FAM184B: variants seen among roughly 807,000 people sequenced by gnomAD.
FAM184B encodes the protein protein FAM184B.
FAM184B carries 111 observed loss-of-function variants against 135.9 expected under a neutral mutation model. The ratio of observed to expected loss-of-function variants is 0.82; its 90% CI spans 0.70 to 0.96. The LOEUF is 0.96. FAM184B is among the 40% of genes least tolerant of loss of function. The pLI is 0.00. For synonymous variants in FAM184B, 552 were observed against 524.8 expected (o/e 1.05, Z -0.71); for missense variants, 1,375 against 1,323.9 (o/e 1.04, Z -0.60).
chr4:17,686,045 G>T (rs942536134), intron 7 of FAM184B, among the ~76,000 whole-genome samples: 1 of 152,120 alleles, frequency 6.6e-6, no homozygotes, highest in Non-Finnish European at 1.5e-5. Context: ...TCATCAAGAA[G>T]GATACCAGCC....
intron 1 of FAM184B, among the ~76,000 whole-genome samples, chr4:17,710,249 A>C (rs567196501): frequency 6.6e-6 from 1 of 152,148 alleles, no homozygotes; most frequent in East Asian, 1.9e-4. Context: ...ACTTGAACCC[A>C]GGAGGCGGAG....
chr4:17,774,605 C>G (rs568930481), intron 1 of FAM184B, among the ~76,000 whole-genome samples: 26 of 152,316 alleles, frequency 1.7e-4, no homozygotes, highest in Admixed American at 5.2e-4. Flanking sequence ...TCAATTGCTG[C>G]AAGCCAGTGG....
rs114405720 is a variant in FAM184B at position 17,717,083 on chromosome 4, T to A, written c.142-7439A>T. On this transcript the variant is annotated intron_variant, in intron 1 of 17. Coordinates refer to ENST00000265018, the MANE Select transcript of FAM184B (RefSeq NM_015688.2). ...GCCTCAGCCTCCCAAAGTGCTAGGA[T>A]CATCAGTGAGAAACACTGCACCCTG... Among the ~76,000 whole-genome samples the A allele has an allele frequency of 6.1e-3, 934 of 152,280 alleles. 11 individuals carry two copies. Among genetic ancestry groups the A allele is most frequent in the African/African-American group, 0.021 (870 of 41,566 alleles).
At chr4:17,635,599 T>C (rs1469297922) in intron 15 of FAM184B, among the ~76,000 whole-genome samples, 1 of 152,052 alleles carries the variant, frequency 6.6e-6, no homozygotes, top group Non-Finnish European at 1.5e-5. Flanking sequence ...TGCTGTATTA[T>C]TACTAAATTC....
At chr4:17,639,435 C>T (rs1413972696) in intron 13 of FAM184B, 39 bp from the exon 14 acceptor site, 9 of 1,547,938 alleles carry the variant, frequency 5.8e-6, no homozygotes, top group Non-Finnish European at 7.0e-6. Flanking sequence ...TGCCCAGCTC[C>T]AGGGATGGCA....
intron 15 of FAM184B, 131 bp downstream of exon 15, chr4:17,636,397 A>C (rs7659718): frequency 0.63 from 461,452 of 733,616 alleles, 148,096 homozygotes; most frequent in East Asian, 0.91. Context: ...GCCACCGCGC[A>C]CGGCAAGAAA....
At chr4:17,657,010 T>C (rs1048329623) in intron 10 of FAM184B, among the ~76,000 whole-genome samples, 3 of 152,194 alleles carry the variant, frequency 2.0e-5, no homozygotes, top group Non-Finnish European at 4.4e-5. Context: ...TTACATAGTA[T>C]ACAATATATA....
chr4:17,673,946 C>T (rs1716254382), intron 7 of FAM184B, among the ~76,000 whole-genome samples: 1 of 151,596 alleles, frequency 6.6e-6, no homozygotes. Flanking sequence ...CAACAACAAA[C>T]AAAAATAAAT....
At chr4:17,700,971 G>GA (rs1198244721) in intron 5 of FAM184B, among the ~76,000 whole-genome samples, 1 of 152,124 alleles carries the variant, frequency 6.6e-6, no homozygotes, top group Non-Finnish European at 1.5e-5. Flanking sequence ...AAAAATTTGA[G>GA]AAAATATCAT....
chr4:17,719,251 C>T (rs574696975), intron 1 of FAM184B, among the ~76,000 whole-genome samples: 8 of 152,082 alleles, frequency 5.3e-5, no homozygotes, highest in African/African-American at 1.9e-4. Flanking sequence ...ATCTGATAAT[C>T]GAGACAGCTA....
chr4:17,746,324 C>T (rs1014440234), intron 1 of FAM184B, among the ~76,000 whole-genome samples: 2 of 152,096 alleles, frequency 1.3e-5, no homozygotes, highest in Non-Finnish European at 2.9e-5. Flanking sequence ...GGCAAGATTT[C>T]GTGAAGGACT....
At chr4:17,775,672 T>A (rs1311261731) in intron 1 of FAM184B, among the ~76,000 whole-genome samples, 1 of 152,232 alleles carries the variant, frequency 6.6e-6, no homozygotes, top group African/African-American at 2.4e-5. Context: ...CATTTAGTTG[T>A]CAAGTCTTCA....
intron 1 of FAM184B, among the ~76,000 whole-genome samples, chr4:17,769,897 GGA>G (rs1051242949): frequency 1.4e-4 from 22 of 152,128 alleles, no homozygotes; most frequent in Admixed American, 4.6e-4. Flanking sequence ...AACCAATAAA[GGA>G]AAAAAGGCAG....
intron 11 of FAM184B, among the ~76,000 whole-genome samples, chr4:17,652,132 T>TG (rs1715635678): frequency 1.1e-5 from 1 of 88,474 alleles, no homozygotes; most frequent in South Asian, 4.0e-4. Context: ...TTAATATCTT[T>TG]TTTTTTTTTT....
At chr4:17,730,057 G>C (rs574870813) in intron 1 of FAM184B, among the ~76,000 whole-genome samples, 1 of 152,294 alleles carries the variant, frequency 6.6e-6, no homozygotes, top group Admixed American at 6.5e-5. Context: ...AACCAACACA[G>C]AGAAGTCCTT....
Position 17,652,989 on chromosome 4 carries a change from G to A in FAM184B, c.2038-6C>T. ...TTCAAGCGTTCCTCTGTGGCCTGTG[G>A]GAAAAAGTGGGAACAAGAAGGCATG... On this transcript the variant is annotated splice_polypyrimidine_tract_variant and splice_region_variant and intron_variant, in intron 10 of 17. Transcript: ENST00000265018. The A allele has an allele frequency of 1.3e-6, 2 of 1,551,396 alleles. No individual in the cohort carries two copies. Among genetic ancestry groups the A allele is most frequent in the South Asian group, 1.2e-5 (1 of 84,044 alleles).
chr4:17,674,509 T>C (rs1486027540), intron 7 of FAM184B, among the ~76,000 whole-genome samples: 2 of 152,186 alleles, frequency 1.3e-5, no homozygotes, highest in East Asian at 1.9e-4. Context: ...AGAATGGTCA[T>C]TGCTGAAGGC....
chr4:17,721,050 G>A (rs570573914), intron 1 of FAM184B, among the ~76,000 whole-genome samples: 1 of 151,994 alleles, frequency 6.6e-6, no homozygotes, highest in East Asian at 1.9e-4. Flanking sequence ...TCCCCAAAGA[G>A]TGGCTGGCTC....
At chr4:17,705,295 G>A (rs1717083577) in intron 4 of FAM184B, 89 bp from the exon 5 acceptor site, 17 of 968,846 alleles carry the variant, frequency 1.8e-5, no homozygotes, top group Middle Eastern at 2.4e-4. Context: ...CTTTTACAAC[G>A]TTTATACACT....
Sources: gnomAD v4.1 joint callset for allele counts (sites outside exome capture counted in the v4.1 genomes callset) on GRCh38, gnomAD v4.1.1 for gene constraint, MANE v1.5 for transcripts, NCBI Gene and HGNC (gene_info 2026-07-23, HGNC 2026-07-21) for gene names.